CLPB: variants seen among roughly 807,000 people sequenced by gnomAD.
CLPB encodes the protein ClpB family mitochondrial disaggregase.
CLPB carries 40 observed loss-of-function variants against 78.4 expected under a neutral mutation model. That is an observed-to-expected ratio of 0.51 (90% CI 0.40 to 0.66). The LOEUF (loss-of-function observed/expected upper bound fraction) is 0.66. CLPB is among the 30% of genes least tolerant of loss of function. The pLI is 0.00. For missense variants in CLPB, 780 were observed against 886.9 expected (o/e 0.88, Z 1.53); for synonymous variants, 333 against 348.0 (o/e 0.96, Z 0.48).
At chr11:72,382,069 C>T (rs1357915952) in intron 3 of CLPB, among the ~76,000 whole-genome samples, 1 of 152,010 alleles carries the variant, frequency 6.6e-6, no homozygotes, top group East Asian at 1.9e-4. Context: ...TTGACCATCA[C>T]TCACAGACCC....
intron 5 of CLPB, among the ~76,000 whole-genome samples, chr11:72,348,227 G>C (rs1392233904): frequency 6.6e-6 from 1 of 152,208 alleles, no homozygotes; most frequent in Admixed American, 6.5e-5. Context: ...CCTTTCCACT[G>C]CATGTCTTCT....
intron 2 of CLPB, among the ~76,000 whole-genome samples, chr11:72,418,810 G>GT (rs1488443922): frequency 6.9e-6 from 1 of 145,830 alleles, no homozygotes; most frequent in Non-Finnish European, 1.5e-5. Flanking sequence ...AGCTGAGATC[G>GT]TACCACTGCA....
Position 72,434,428 on chromosome 11 carries a change from A to C in CLPB, c.47T>G (p.Leu16Arg), listed in dbSNP as rs376044054. 1 of 1,585,674 alleles carries C rather than the reference A, an allele frequency of 6.3e-7. No homozygotes were observed. Among genetic ancestry groups the C allele is most frequent in the East Asian group, 2.3e-5 (1 of 44,444 alleles). ...VLRRKALAPR[L>R]LLRLLRSPTL... The stretch of plus-strand genomic sequence containing the variant: ...TGGGGACCTGAGCAGCCGGAGGAGT[A>C]GCCGTGGCGCCAGTGCTTTTCTCCT... The change falls in exon 1 of 16, where the codon CTA (leucine) becomes CGA (arginine). Residue 16 changes from leucine to arginine, a missense_variant. Leu to Arg is a moderately radical substitution (Grantham distance 102). Transcript: ENST00000538039.
At chr11:72,314,458 G>A (rs1405444357) in intron 7 of CLPB, among the ~76,000 whole-genome samples, 1 of 152,122 alleles carries the variant, frequency 6.6e-6, no homozygotes, top group Non-Finnish European at 1.5e-5. Context: ...CTACTAGAGA[G>A]CAGGTGTTGC....
chr11:72,308,669 C>T, intron 7 of CLPB, 65 bp from the exon 8 acceptor site: 1 of 1,391,816 alleles, frequency 7.2e-7, no homozygotes, highest in Non-Finnish European at 1.0e-6. Context: ...ACACAAAAGG[C>T]AGGATAATTA....
intron 1 of CLPB, 195 bp from the exon 2 acceptor site, chr11:72,430,558 C>A: frequency 1.7e-6 from 1 of 576,526 alleles, no homozygotes; most frequent in Non-Finnish European, 3.1e-6. Flanking sequence ...CTGACTTCCA[C>A]ACCTTTCTAC....
intron 8 of CLPB, among the ~76,000 whole-genome samples, chr11:72,307,898 G>C (rs1260849890): frequency 1.3e-5 from 2 of 152,188 alleles, no homozygotes; most frequent in Non-Finnish European, 2.9e-5. Context: ...GGCCCATGAA[G>C]ATGCTGGGAG....
intron 3 of CLPB, among the ~76,000 whole-genome samples, chr11:72,386,014 AG>A (rs1375797771): frequency 6.6e-6 from 1 of 152,210 alleles, no homozygotes; most frequent in Admixed American, 6.5e-5. Flanking sequence ...AAAAAGTATA[AG>A]CATTTTAAGA....
chr11:72,384,114 T>C (rs905052491), intron 3 of CLPB, among the ~76,000 whole-genome samples: 10 of 152,040 alleles, frequency 6.6e-5, no homozygotes, highest in East Asian at 1.9e-4. Context: ...AGATCAACCA[T>C]TGCACTACAG....
intron 2 of CLPB, chr11:72,411,662 A>G (rs1855879030): frequency 6.6e-6 from 1 of 152,082 alleles, no homozygotes; most frequent in Non-Finnish European, 1.5e-5. Flanking sequence ...AAAGGGACAC[A>G]GGGGCAGCTT....
At chr11:72,305,122 A>G (rs945906416) in intron 9 of CLPB, among the ~76,000 whole-genome samples, 2 of 152,182 alleles carry the variant, frequency 1.3e-5, no homozygotes, top group Non-Finnish European at 2.9e-5. Flanking sequence ...TCATCTCCCA[A>G]TGTGAAATGG....
chr11:72,290,385 G>C lies in CLPB; in HGVS notation c.*2982C>G, dbSNP rs1488433874. 6.6e-6 allele frequency: 1 copy of C among 152,150 alleles called. No individual in the cohort carries two copies. Among genetic ancestry groups the C allele is most frequent in the African/African-American group, 2.4e-5 (1 of 41,432 alleles). 9.4% of individuals were successfully genotyped at this position (152,150 alleles called of 1,614,324 possible). A position where few individuals can be genotyped will look rare whatever the true frequency, so the allele number is the denominator to read the frequency against. ...TTATCAAATAAATAAATGGGGAAAAGGGACAGCTCTTCCTTATAGTAGAAT... is the reference window on the plus strand; with the variant it reads ...TTATCAAATAAATAAATGGGGAAAACGGACAGCTCTTCCTTATAGTAGAAT... On this transcript the variant is annotated 3_prime_UTR_variant, in exon 16 of 16. Transcript: ENST00000538039.
At chr11:72,419,062 C>G (rs553335122) in intron 2 of CLPB, among the ~76,000 whole-genome samples, 2 of 152,008 alleles carry the variant, frequency 1.3e-5, no homozygotes, top group African/African-American at 4.8e-5. Flanking sequence ...AAAAGGCAGA[C>G]ACAGAACAGG....
At chr11:72,325,151 T>C (rs1405566993) in intron 6 of CLPB, among the ~76,000 whole-genome samples, 2 of 152,310 alleles carry the variant, frequency 1.3e-5, no homozygotes, top group South Asian at 2.1e-4. Context: ...TTTTGTTTTA[T>C]CTGCTATCAT....
chr11:72,316,920 G>C (rs929657135), intron 7 of CLPB, among the ~76,000 whole-genome samples, 186 bp downstream of exon 7: 4 of 152,312 alleles, frequency 2.6e-5, no homozygotes, highest in Admixed American at 2.6e-4. Context: ...ACCAACCTCA[G>C]AGGATTGCCA....
rs1425940149 is a variant in CLPB at position 72,402,958 on chromosome 11, T to C, written c.542+8A>G. 1.2e-6 allele frequency: 2 copies of C among 1,613,156 alleles called. No individual in the cohort carries two copies. The highest frequency in any genetic ancestry group is 1.7e-6 in the Non-Finnish European group (2 of 1,179,262). On this transcript the variant is annotated splice_region_variant and intron_variant, in intron 3 of 15. Coordinates refer to ENST00000538039, the MANE Select transcript of CLPB (RefSeq NM_001258392.3). ...TAAAGGAGCCCTGTGTGGAAGGTGG[T>C]CTCTCACCTGTTGTTTCGGTTGATG...
At chr11:72,316,880 T>C (rs1460419118) in intron 7 of CLPB, among the ~76,000 whole-genome samples, 5 of 152,182 alleles carry the variant, frequency 3.3e-5, no homozygotes, top group Non-Finnish European at 5.9e-5. Flanking sequence ...GTGTCTTGGC[T>C]TCCTCAGCAG....
chr11:72,378,839 AG>A (rs1372482896), intron 4 of CLPB, among the ~76,000 whole-genome samples: 2 of 152,238 alleles, frequency 1.3e-5, no homozygotes, highest in African/African-American at 4.8e-5. Flanking sequence ...GAGGAGAGAA[AG>A]GACATATGGG....
intron 5 of CLPB, among the ~76,000 whole-genome samples, chr11:72,353,555 T>G (rs149934403): frequency 6.6e-6 from 1 of 152,266 alleles, no homozygotes; most frequent in African/African-American, 2.4e-5. Context: ...TTTTGGAGAT[T>G]TATCAGTGCA....
Sources: allele counts gnomAD v4.1 joint callset (sites outside exome capture counted in the v4.1 genomes callset), GRCh38; gene constraint gnomAD v4.1.1; transcripts MANE v1.5; gene names NCBI Gene and HGNC (gene_info 2026-07-23, HGNC 2026-07-21).